The following PCSK1 variants were observed in gnomAD, a reference collection of about 807,000 sequenced individuals.
The protein encoded by PCSK1 is neuroendocrine convertase 1.
PCSK1 carries 56 observed loss-of-function variants against 90.6 expected under a neutral mutation model. The ratio of observed to expected loss-of-function variants is 0.62; its 90% CI spans 0.50 to 0.77. The LOEUF (loss-of-function observed/expected upper bound fraction) is 0.77, where lower values mean the gene tolerates loss of function less well. PCSK1 is among the 30% of genes least tolerant of loss of function. The probability of loss-of-function intolerance (pLI) is 0.00; values close to 1 mark genes in which losing one functional copy is unlikely to be tolerated. For synonymous variants in PCSK1, 348 were observed against 342.4 expected, an observed-to-expected ratio of 1.02 and a Z score of -0.18; for missense variants, 801 against 932.6, an observed-to-expected ratio of 0.86 and a Z score of 1.84.
rs201340377 is a variant in PCSK1 at position 96,419,436 on chromosome 5, C to CCT, written c.620+2442_620+2443dup. On this transcript the variant is annotated intron_variant, in intron 5 of 13. Coordinates refer to ENST00000311106, the MANE Select transcript of PCSK1 (RefSeq NM_000439.5). Reference sequence around the variant, plus strand: ...ATACCTCTCTCTCTCTCTCTCTCTCCCTCTCTCTCTCTATATATATATACA... The same window carrying CCT: ...ATACCTCTCTCTCTCTCTCTCTCTCCCTCTCTCTCTCTCTATATATATATACA... 2.3e-5 allele frequency among the ~76,000 whole-genome samples: 3 copies of CCT among 131,112 alleles called. No individual in the cohort carries two copies. In the Admixed American group the frequency reaches 2.3e-4, roughly 10 times the overall value. 86.0% of individuals were successfully genotyped at this position (131,112 alleles called of 152,430 possible).
chr5:96,395,200 C>T (rs1196515851), intron 12 of PCSK1, among the ~76,000 whole-genome samples, 175 bp from the exon 13 acceptor site: 2 of 152,194 alleles, frequency 1.3e-5, no homozygotes, highest in Non-Finnish European at 2.9e-5. Context: ...TTTGTAGGTT[C>T]AACAGTTTAG....
At chr5:96,402,462 T>A (rs1271807285) in intron 9 of PCSK1, among the ~76,000 whole-genome samples, 1 of 152,076 alleles carries the variant, frequency 6.6e-6, no homozygotes. Flanking sequence ...AGGGGAAACA[T>A]CTAGACACTT....
At chr5:96,399,182 T>C (rs1760265945) in intron 10 of PCSK1, 146 bp from the exon 11 acceptor site, 15 of 653,706 alleles carry the variant, frequency 2.3e-5, no homozygotes, top group Non-Finnish European at 3.5e-5. Context: ...TTCAGAATTA[T>C]GTATACATGA....
chr5:96,409,282 A>C (rs936529921), intron 8 of PCSK1, among the ~76,000 whole-genome samples: 1 of 152,108 alleles, frequency 6.6e-6, no homozygotes, highest in Non-Finnish European at 1.5e-5. Flanking sequence ...TGTGGGAGGG[A>C]GGTGTAAAAA....
At chr5:96,400,569 C>A (rs1438955730) in intron 9 of PCSK1, among the ~76,000 whole-genome samples, 3 of 152,180 alleles carry the variant, frequency 2.0e-5, no homozygotes, top group African/African-American at 7.2e-5. Context: ...CCATTAAAAG[C>A]CTTAGCACTT....
In PCSK1 at chr5:96,399,989, T is replaced by C; in HGVS notation, c.1394A>G (p.Lys465Arg). The change falls in exon 10 of 14, where the codon AAA becomes AGA. Residue 465 changes from lysine to arginine, a missense_variant. Coordinates refer to ENST00000311106, the MANE Select transcript of PCSK1 (RefSeq NM_000439.5). ...PRTWRSVPEK[K>R]ECVVKDNDFE... is the part of the protein sequence containing the mutation. ...GTCATTGTCCTTTACAACACACTCT[T>C]TCTTCTCAGGCACGCTCCTCCAGGT... 1.2e-6 allele frequency: 2 copies of C among 1,614,186 alleles called. No individual in the cohort carries two copies. Among genetic ancestry groups the C allele is most frequent in the South Asian group, 1.1e-5 (1 of 91,086 alleles).
chr5:96,398,462 T>G (rs1025381608), intron 11 of PCSK1, among the ~76,000 whole-genome samples: 15 of 152,228 alleles, frequency 9.9e-5, no homozygotes, highest in Admixed American at 4.6e-4. Flanking sequence ...GTTAATCTTC[T>G]CAATCTCCTC....
chr5:96,412,109 G>A (rs921195090), intron 7 of PCSK1, among the ~76,000 whole-genome samples: 37 of 152,158 alleles, frequency 2.4e-4, no homozygotes, highest in African/African-American at 8.5e-4. Context: ...TGGCCATCGC[G>A]CCTGGCCACA....
At chr5:96,427,994 A>G (rs1761368923) in intron 2 of PCSK1, among the ~76,000 whole-genome samples, 1 of 152,196 alleles carries the variant, frequency 6.6e-6, no homozygotes, top group African/African-American at 2.4e-5. Context: ...TTGACAAAAA[A>G]GAGCTAGCAG....
At chr5:96,429,142 T>C in intron 2 of PCSK1, 71 bp downstream of exon 2, 1 of 835,044 alleles carries the variant, frequency 1.2e-6, no homozygotes, top group Non-Finnish European at 2.0e-6. Flanking sequence ...AATGCTTCTG[T>C]TTTTATTAGA....
intron 8 of PCSK1, among the ~76,000 whole-genome samples, chr5:96,409,015 G>A (rs569928987): frequency 9.9e-5 from 15 of 152,268 alleles, no homozygotes; most frequent in African/African-American, 3.4e-4. Context: ...TGTAAAATGC[G>A]ATTTATATTT....
Position 96,395,042 on chromosome 5 carries a change from C to T in PCSK1, c.1723-17G>A. On this transcript the variant is annotated splice_polypyrimidine_tract_variant and intron_variant, in intron 12 of 13. Coordinates refer to ENST00000311106, the MANE Select transcript of PCSK1 (RefSeq NM_000439.5). ...TCTTCCAGACTAACAAATAAGCATA[C>T]CTACATTTAGTATGTGTTTTAGATA... 1.9e-6 allele frequency: 3 copies of T among 1,587,212 alleles called. No homozygotes were observed. Among genetic ancestry groups the T allele is most frequent in the Non-Finnish European group, 2.6e-6 (3 of 1,155,496 alleles).
In PCSK1 at chr5:96,397,417, G is replaced by C. The variant is rs1288202800; in HGVS notation, c.1641C>G (p.Gly547=). 2 of 1,611,062 alleles carry C rather than the reference G, an allele frequency of 1.2e-6. No individual in the cohort carries two copies. The highest frequency in any genetic ancestry group is 3.3e-5 in the Admixed American group (2 of 60,024). ...CAGACATGAAGTCCCAATTCTTAAA[G>C]CCATTAGGAGATGTATCCCGTTCTC... ...AERERDTSPN[G]FKNWDFMSVH... Residue 547 remains glycine, a synonymous_variant, in exon 12 of 14, where the codon GGC becomes GGG. Transcript: ENST00000311106.
rs111917550 is a variant in PCSK1 at position 96,413,412 on chromosome 5, G to T, written c.710-922C>A. Reference sequence around the variant, plus strand: ...TAATACAATAAAGTGCACAGCCTTAGATTTTCACACTTATTTACTATGGAG... The same window carrying T: ...TAATACAATAAAGTGCACAGCCTTATATTTTCACACTTATTTACTATGGAG... On this transcript the variant is annotated intron_variant, in intron 6 of 13. Transcript: ENST00000311106. 9.7e-3 allele frequency among the ~76,000 whole-genome samples: 1,477 copies of T among 152,304 alleles called. 31 individuals are homozygous for T. Among genetic ancestry groups the T allele is most frequent in the African/African-American group, 0.034 (1,429 of 41,564 alleles).
At chr5:96,425,750 T>C in intron 3 of PCSK1, 70 bp downstream of exon 3, 1 of 844,778 alleles carries the variant, frequency 1.2e-6, no homozygotes. Flanking sequence ...AAAATCCATG[T>C]TGCAAATGTA....
At chr5:96,399,373 T>C (rs1223239966) in intron 10 of PCSK1, among the ~76,000 whole-genome samples, 1 of 152,216 alleles carries the variant, frequency 6.6e-6, no homozygotes, top group African/African-American at 2.4e-5. Flanking sequence ...TTGGATATTT[T>C]GTGTGAGCAG....
In PCSK1 at chr5:96,428,139, T is replaced by G. The variant is rs73772395; in HGVS notation, c.285+1074A>C. 3.1e-3 allele frequency among the ~76,000 whole-genome samples: 474 copies of G among 152,338 alleles called. 2 individuals are homozygous for G. Among genetic ancestry groups the G allele is most frequent in the African/African-American group, 0.011 (455 of 41,584 alleles). The stretch of plus-strand genomic sequence containing the variant: ...CCTACCCTCATAATTTGTCTTTTTC[T>G]TCTTCTTTTAAAAATTCTATCAGTT... On this transcript the variant is annotated intron_variant, in intron 2 of 13. Transcript: ENST00000311106.
intron 9 of PCSK1, among the ~76,000 whole-genome samples, chr5:96,401,081 C>T (rs1233506685): frequency 3.6e-4 from 33 of 90,466 alleles, no homozygotes; most frequent in Non-Finnish European, 5.4e-4. Flanking sequence ...AGCGGGACTC[C>T]GTCTCAAAAA....
Position 96,414,820 on chromosome 5 carries a change from A to T in PCSK1, c.709+1213T>A, listed in dbSNP as rs565966591. Among the ~76,000 whole-genome samples the T allele has an allele frequency of 2.6e-4, 40 of 152,228 alleles. 1 individual carries two copies. The South Asian group carries it at 2.9e-3, about 11-fold the overall frequency. On this transcript the variant is annotated intron_variant, in intron 6 of 13. Coordinates refer to ENST00000311106, the MANE Select transcript of PCSK1 (RefSeq NM_000439.5). ...TTGTGCTTCTCCCTTCATTTTTTTT[A>T]AAAATTAACAGAACACTTTGAAGAT...
Sources: gnomAD v4.1 joint callset for allele counts (sites outside exome capture counted in the v4.1 genomes callset) on GRCh38, gnomAD v4.1.1 for gene constraint, MANE v1.5 for transcripts, NCBI Gene and HGNC (gene_info 2026-07-23, HGNC 2026-07-21) for gene names.